BLTP3B: variants seen among roughly 807,000 people sequenced by gnomAD.
BLTP3B encodes bridge-like lipid transfer protein family member 3B.
chr12:100,097,277 C>A, the BLTP3B span: 1 of 1,355,498 alleles, frequency 7.4e-7, no homozygotes. Flanking sequence ...TTAAAATTTC[C>A]TATAGTTAAC....
chr12:100,092,837 T>C, the BLTP3B span: 25 of 908,454 alleles, frequency 2.8e-5, 1 homozygote, highest in South Asian at 7.1e-4. Context: ...ATGATGGTAA[T>C]ATTGCAAAAT....
chr12:100,037,772 C>T, the BLTP3B span: 71 of 1,570,482 alleles, frequency 4.5e-5, no homozygotes, highest in South Asian at 7.0e-5. Flanking sequence ...TGATAAATGG[C>T]GGGGGGATAA....
the BLTP3B span, among the ~76,000 whole-genome samples, chr12:100,120,981 T>C: frequency 3.9e-5 from 6 of 152,260 alleles, no homozygotes; most frequent in South Asian, 2.1e-4. Flanking sequence ...TACGATAAAA[T>C]AGATTAATTG....
the BLTP3B span, chr12:100,051,454 AG>A: frequency 6.3e-5 from 24 of 383,632 alleles, no homozygotes; most frequent in African/African-American, 5.0e-4. Context: ...TTTAAAATTC[AG>A]TAGCCATCAC....
At chr12:100,047,499 C>T in the BLTP3B span, 1 of 1,530,988 alleles carries the variant, frequency 6.5e-7, no homozygotes, top group Non-Finnish European at 9.0e-7. Context: ...AATTCCATCT[C>T]ATAAATAAAC....
the BLTP3B span, among the ~76,000 whole-genome samples, chr12:100,141,510 T>C: frequency 1.3e-5 from 2 of 152,150 alleles, no homozygotes; most frequent in Non-Finnish European, 2.9e-5. Flanking sequence ...TCTTATTCAG[T>C]ATTATAAGTG....
chr12:100,111,280 T>TC, the BLTP3B span, among the ~76,000 whole-genome samples: 2 of 92,736 alleles, frequency 2.2e-5, no homozygotes, highest in East Asian at 4.5e-4. Flanking sequence ...GTTTTAGATT[T>TC]TTTTTTTTTT....
At chr12:100,088,807 G>T in the BLTP3B span, 2 of 892,296 alleles carry the variant, frequency 2.2e-6, no homozygotes, top group Non-Finnish European at 3.2e-6. Context: ...ACACAATTAT[G>T]ACAAATTATC....
the BLTP3B span, chr12:100,095,527 T>A: frequency 2.2e-6 from 2 of 905,838 alleles, no homozygotes; most frequent in African/African-American, 3.4e-5. Context: ...TAAAATTACA[T>A]AGAAGATATC....
the BLTP3B span, among the ~76,000 whole-genome samples, chr12:100,134,798 T>C: frequency 6.6e-6 from 1 of 152,312 alleles, no homozygotes; most frequent in Non-Finnish European, 1.5e-5. Context: ...CACCCATTAC[T>C]GCTCTCCTCT....
the BLTP3B span, among the ~76,000 whole-genome samples, chr12:100,052,621 C>T: frequency 6.6e-6 from 1 of 151,916 alleles, no homozygotes; most frequent in East Asian, 1.9e-4. Flanking sequence ...TGAAGTATAA[C>T]GAGCACATGG....
At chr12:100,084,720 G>A in the BLTP3B span, 1 of 1,474,752 alleles carries the variant, frequency 6.8e-7, no homozygotes, top group Middle Eastern at 2.1e-4. Flanking sequence ...TTATATTATA[G>A]TAATGCTTCC....
chr12:100,079,973 C>G, the BLTP3B span, among the ~76,000 whole-genome samples: 1 of 152,216 alleles, frequency 6.6e-6, no homozygotes, highest in African/African-American at 2.4e-5. Context: ...CCTGCTGGTG[C>G]ACAGAAGTCA....
At chr12:100,048,810 G>A in the BLTP3B span, among the ~76,000 whole-genome samples, 1 of 136,562 alleles carries the variant, frequency 7.3e-6, no homozygotes, top group Non-Finnish European at 1.5e-5. Context: ...GTGTGTGTGT[G>A]TAAAATTACA....
chr12:100,112,858 CAAAAAA>C, the BLTP3B span, among the ~76,000 whole-genome samples: 2 of 60,600 alleles, frequency 3.3e-5, no homozygotes, highest in Admixed American at 1.8e-4. Context: ...GACTCCATCT[CAAAAAA>C]AAAAAAAAAA....
chr12:100,084,355 C>T, the BLTP3B span: 1 of 1,057,972 alleles, frequency 9.5e-7, no homozygotes, highest in South Asian at 2.0e-5. Flanking sequence ...AAAAAAAATA[C>T]TCATTTACAG....
the BLTP3B span, among the ~76,000 whole-genome samples, chr12:100,076,729 T>C: frequency 4.6e-5 from 7 of 152,236 alleles, no homozygotes; most frequent in Non-Finnish European, 1.0e-4. Flanking sequence ...TTGTATAGTC[T>C]TTATAAATTC....
the BLTP3B span, among the ~76,000 whole-genome samples, chr12:100,073,635 A>G: frequency 6.6e-6 from 1 of 152,122 alleles, no homozygotes; most frequent in Non-Finnish European, 1.5e-5. Flanking sequence ...ACAATAAAAA[A>G]TTAATTTAAA....
the BLTP3B span, among the ~76,000 whole-genome samples, chr12:100,105,367 A>G: frequency 6.6e-6 from 1 of 151,586 alleles, no homozygotes; most frequent in Admixed American, 6.6e-5. Flanking sequence ...AACAGAATAG[A>G]GAACCAAGAA....
Sources: allele counts gnomAD v4.1 joint callset (sites outside exome capture counted in the v4.1 genomes callset), GRCh38; gene constraint gnomAD v4.1.1; transcripts MANE v1.5; gene names NCBI Gene and HGNC (gene_info 2026-07-23, HGNC 2026-07-21).